MELK: variants seen among roughly 807,000 people sequenced by gnomAD.
MELK encodes the protein maternal embryonic leucine zipper kinase, also known as pEg3 kinase.
MELK carries 81 observed loss-of-function variants against 85.0 expected under a neutral mutation model. The observed-to-expected ratio is 0.95, with a 90% CI of 0.80 to 1.15. The LOEUF (loss-of-function observed/expected upper bound fraction) is 1.15, where lower values mean the gene tolerates loss of function less well. MELK is among the 50% of genes most tolerant of loss of function. The pLI is 0.00. For missense variants in MELK, 754 were observed against 777.5 expected, an observed-to-expected ratio of 0.97 and a Z score of 0.36; for synonymous variants, 252 against 265.0, an observed-to-expected ratio of 0.95 and a Z score of 0.48.
intron 10 of MELK, among the ~76,000 whole-genome samples, chr9:36,638,527 G>A (rs1052212733): frequency 2.0e-5 from 3 of 151,938 alleles, no homozygotes; most frequent in Admixed American, 6.6e-5. Flanking sequence ...TCAGGTGATC[G>A]GCCGACCTCA....
intron 8 of MELK, among the ~76,000 whole-genome samples, chr9:36,618,757 C>T (rs1467551557): frequency 6.6e-6 from 1 of 152,152 alleles, no homozygotes; most frequent in African/African-American, 2.4e-5. Context: ...AACTGTGCTC[C>T]TGTAAAGCAC....
chr9:36,577,300 G>A (rs1045810084), intron 1 of MELK, among the ~76,000 whole-genome samples: 5 of 152,078 alleles, frequency 3.3e-5, no homozygotes, highest in Non-Finnish European at 7.3e-5. Context: ...ATCACCTGAG[G>A]TCAGGAGTCT....
intron 8 of MELK, among the ~76,000 whole-genome samples, chr9:36,615,319 G>C (rs1169417024): frequency 7.7e-6 from 1 of 129,812 alleles, no homozygotes; most frequent in East Asian, 2.4e-4. Context: ...CTCCCTCCCG[G>C]ATGGGGCGGC....
At chr9:36,623,766 G>A (rs1827670253) in intron 8 of MELK, among the ~76,000 whole-genome samples, 1 of 152,124 alleles carries the variant, frequency 6.6e-6, no homozygotes, top group South Asian at 2.1e-4. Flanking sequence ...TCCATCTCTG[G>A]CCCTCAAAAA....
chr9:36,632,133 G>A (rs1587503405), intron 9 of MELK, among the ~76,000 whole-genome samples: 1 of 152,208 alleles, frequency 6.6e-6, no homozygotes, highest in South Asian at 2.1e-4. Flanking sequence ...TCCAGCCCCA[G>A]AGTGTGTAAT....
intron 10 of MELK, among the ~76,000 whole-genome samples, chr9:36,638,248 A>T (rs2246564): frequency 0.097 from 14,774 of 152,132 alleles, 767 homozygotes; most frequent in Middle Eastern, 0.15. Context: ...TAAAGTTATG[A>T]GTGTTCCAAA....
intron 11 of MELK, among the ~76,000 whole-genome samples, chr9:36,648,215 G>C (rs1830397752): frequency 2.6e-5 from 4 of 152,130 alleles, no homozygotes; most frequent in Admixed American, 2.6e-4. Context: ...CAGAATAAAA[G>C]GGGAGACAAA....
intron 8 of MELK, among the ~76,000 whole-genome samples, chr9:36,626,535 C>G (rs1827944211): frequency 6.6e-6 from 1 of 152,134 alleles, no homozygotes; most frequent in African/African-American, 2.4e-5. Flanking sequence ...GGTGTATAGG[C>G]TCTGGAGAAC....
chr9:36,656,152 A>G (rs1365610998), intron 12 of MELK, among the ~76,000 whole-genome samples: 2 of 152,128 alleles, frequency 1.3e-5, no homozygotes, highest in Non-Finnish European at 2.9e-5. Context: ...CAAGACCCCA[A>G]ATGTCCTATC....
intron 1 of MELK, among the ~76,000 whole-genome samples, chr9:36,575,182 T>C (rs1312393545): frequency 6.6e-6 from 1 of 152,166 alleles, no homozygotes; most frequent in East Asian, 1.9e-4. Flanking sequence ...CCAATTCTTC[T>C]ATTTATTTAG....
rs748871232 is a variant in MELK, at chr9:36,669,405, CG to C, written c.1505+1del. On this transcript the variant is annotated frameshift_variant and splice_region_variant, in exon 15 of 18. Transcript: ENST00000298048. LOFTEE classifies it high-confidence loss of function. The stretch of plus-strand genomic sequence containing the variant: ...GACAGGTGTCATTAGCCCTGAGAGG[CG>C]GTAAGTGTTTGGTTTTTTTAGACTC... ...LMTGVISPER[R>X]CRSVELDLNQ... 2 of 1,585,864 alleles carry C rather than the reference CG, an allele frequency of 1.3e-6. No homozygotes were observed. The highest frequency in any genetic ancestry group is 1.9e-5 in the Admixed American group (1 of 54,004).
intron 3 of MELK, among the ~76,000 whole-genome samples, chr9:36,585,533 C>G (rs906148035): frequency 1.2e-4 from 18 of 152,076 alleles, no homozygotes; most frequent in Admixed American, 1.0e-3. Context: ...TCTCGAACTC[C>G]TGACCTCAAG....
intron 8 of MELK, among the ~76,000 whole-genome samples, chr9:36,615,930 A>G (rs1418131563): frequency 3.5e-5 from 5 of 142,258 alleles, no homozygotes; most frequent in Admixed American, 7.0e-5. Flanking sequence ...AGGCAGAGAC[A>G]CTCCTCACTT....
At chr9:36,600,623 G>A (rs566780611) in intron 7 of MELK, among the ~76,000 whole-genome samples, 1 of 152,184 alleles carries the variant, frequency 6.6e-6, no homozygotes, top group South Asian at 2.1e-4. Flanking sequence ...CTGACCTCGT[G>A]ATCCGCCTGC....
Position 36,607,652 on chromosome 9 carries a change from G to A in MELK, c.645G>A (p.Met215Ile). Residue 215 changes from methionine to isoleucine, a missense_variant, in exon 8 of 18, where the codon ATG becomes ATA. Physicochemically the swap from Met to Ile is conservative, Grantham distance 10. Coordinates refer to ENST00000298048, the MANE Select transcript of MELK (RefSeq NM_014791.4). ...GFLPFDDDNV[M>I]ALYKKIMRGK... is the part of the protein sequence containing the mutation. Reference sequence around the variant, plus strand: ...TACCATTTGATGATGATAATGTAATGGCTTTATACAAGAAGATTATGGTGA... The same window carrying A: ...TACCATTTGATGATGATAATGTAATAGCTTTATACAAGAAGATTATGGTGA... 1 of 1,605,546 alleles carries A rather than the reference G, an allele frequency of 6.2e-7. No individual in the cohort carries two copies. Among genetic ancestry groups the A allele is most frequent in the Non-Finnish European group, 8.5e-7 (1 of 1,172,310 alleles).
At chr9:36,654,247 T>C (rs2137347636) in intron 12 of MELK, among the ~76,000 whole-genome samples, 1 of 151,978 alleles carries the variant, frequency 6.6e-6, no homozygotes, top group Non-Finnish European at 1.5e-5. Context: ...AGCTATTAGA[T>C]ACGTATACCT....
chr9:36,596,162 A>T (rs1824210103), intron 5 of MELK, among the ~76,000 whole-genome samples: 1 of 151,788 alleles, frequency 6.6e-6, no homozygotes, highest in East Asian at 2.0e-4. Context: ...GTCGATTTCA[A>T]CTCACTCTTT....
intron 10 of MELK, among the ~76,000 whole-genome samples, chr9:36,636,810 T>TCTGTCTGTCTG (rs1564191244): frequency 1.2e-4 from 13 of 105,658 alleles, no homozygotes; most frequent in African/African-American, 5.4e-4. Flanking sequence ...CTTTCTGTCT[T>TCTGTCTGTCTG]TCTTTCTTTC....
At position 36,583,681 on chromosome 9, in the gene MELK, C is replaced by G; in HGVS notation, c.113C>G (p.Ala38Gly). 2 of 1,612,490 alleles carry G rather than the reference C, an allele frequency of 1.2e-6. No individual in the cohort carries two copies. The highest frequency in any genetic ancestry group is 1.7e-6 in the Non-Finnish European group (2 of 1,179,024). ...CATATCCTTACTGGAGAGATGGTAGCTATAAAAATCATGGATAAAAACACA... is the reference window on the plus strand; with the variant it reads ...CATATCCTTACTGGAGAGATGGTAGGTATAAAAATCATGGATAAAAACACA... Reference protein sequence around the residue: ...ACHILTGEMVAIKIMDKNTLG... With the variant: ...ACHILTGEMVGIKIMDKNTLG... The change falls in exon 3 of 18, where the codon GCT becomes GGT. Residue 38 changes from alanine (A) to glycine (G), a missense_variant. Transcript: ENST00000298048.
Sources: gnomAD v4.1 joint callset for allele counts (sites outside exome capture counted in the v4.1 genomes callset) on GRCh38, gnomAD v4.1.1 for gene constraint, MANE v1.5 for transcripts, NCBI Gene and HGNC (gene_info 2026-07-23, HGNC 2026-07-21) for gene names.